HLX: variants seen among roughly 807,000 people sequenced by gnomAD.
The protein encoded by HLX is H2.0-like homeobox protein.
A neutral mutation model predicts 27.7 loss-of-function variants in HLX; 6 were observed. The ratio of observed to expected loss-of-function variants is 0.22; its 90% CI spans 0.12 to 0.43. HLX has a LOEUF of 0.43. HLX is among the 20% of genes least tolerant of loss of function. The pLI is 1.00. For missense variants in HLX, 666 were observed against 655.2 expected (o/e 1.02, Z -0.18); for synonymous variants, 328 against 293.8 (o/e 1.12, Z -1.19).
chr1:220,882,560 A>C, intron 3 of HLX: 12 of 580,514 alleles, frequency 2.1e-5, no homozygotes, highest in Non-Finnish European at 2.5e-5. Context: ...AGAAGAGCTC[A>C]TCCCCAAGAT....
In HLX at chr1:220,884,298, G is replaced by A. The variant is rs1360175487; in HGVS notation, c.1061G>A (p.Gly354Glu). Residue 354 changes from glycine (G) to glutamate (E), a missense_variant, in exon 4 of 4, where the codon GGA (glycine) becomes GAA (glutamate). Coordinates refer to ENST00000366903, the MANE Select transcript of HLX (RefSeq NM_021958.4). This position sits in a 1 kb window ranked among gnomAD's most constrained non-coding sequence, Gnocchi z 4.9. ...DKEAGEKPSG[G>E]APAADGEQDE... Reference sequence around the variant, plus strand: ...GAGGCTGGCGAGAAGCCATCAGGTGGAGCCCCGGCTGCGGATGGCGAGCAG... The same window carrying A: ...GAGGCTGGCGAGAAGCCATCAGGTGAAGCCCCGGCTGCGGATGGCGAGCAG... The A allele has an allele frequency of 1.2e-6, 2 of 1,613,776 alleles. No homozygotes were observed. Among genetic ancestry groups the A allele is most frequent in the Admixed American group, 1.7e-5 (1 of 60,000 alleles).
chr1:220,881,154 G>A, intron 1 of HLX, 40 bp from the exon 2 acceptor site: 1 of 1,564,004 alleles, frequency 6.4e-7, no homozygotes, highest in Non-Finnish European at 8.8e-7. Context: ...GTGTGAGTGT[G>A]CCCGAGATGT....
intron 1 of HLX, chr1:220,880,813 T>G: frequency 2.6e-6 from 1 of 383,908 alleles, no homozygotes; most frequent in Non-Finnish European, 4.7e-6. Flanking sequence ...ACTTATCTGA[T>G]TTCTAGTAAA....
At position 220,884,619 on chromosome 1, in the gene HLX, C is replaced by G. The variant is rs980746405; in HGVS notation, c.1382C>G (p.Ser461Trp). ...AGCAGCCTTGGCGGCGGCGGCGCCT[C>G]GGAGCTTCTCCCTGCAACACAGCCC... ...CASSLGGGGA[S>W]ELLPATQPTA... Residue 461 changes from serine to tryptophan, a missense_variant, in exon 4 of 4, where the codon TCG becomes TGG. Ser to Trp is a radical substitution (Grantham distance 177, BLOSUM62 -3). Transcript: ENST00000366903. The surrounding 1 kb of genome is among the most constrained non-coding windows in gnomAD (Gnocchi z 4.9). 3 of 1,608,914 alleles carry G rather than the reference C, an allele frequency of 1.9e-6. No individual in the cohort carries two copies. The highest frequency in any genetic ancestry group is 2.2e-5 in the East Asian group (1 of 44,746).
At chr1:220,880,650 C>A (rs544831248) in intron 1 of HLX, 2 of 615,166 alleles carry the variant, frequency 3.3e-6, no homozygotes, top group East Asian at 2.7e-5. Flanking sequence ...AAAAATGACT[C>A]CAGGGATTCT....
Position 220,884,855 on chromosome 1 carries a change from C to G in HLX, c.*151C>G, listed in dbSNP as rs1674536559. 7.9e-7 allele frequency: 1 copy of G among 1,270,978 alleles called. No individual in the cohort carries two copies. Among genetic ancestry groups the G allele is most frequent in the African/African-American group, 1.5e-5 (1 of 66,904 alleles). The allele number at this position is 1,270,978 out of a possible 1,614,324, so 78.7% of individuals were successfully genotyped here. A position where few individuals can be genotyped will look rare whatever the true frequency, so the allele number is the denominator to read the frequency against. On this transcript the variant is annotated 3_prime_UTR_variant, in exon 4 of 4. Transcript: ENST00000366903. This position sits in a 1 kb window ranked among gnomAD's most constrained non-coding sequence, Gnocchi z 4.9. ...CATTCACGCTTCGCCCCACGCTGCT[C>G]CGACTGGCTGCAGCGGACACTGCCC...
At chr1:220,882,909 C>A in intron 3 of HLX, 1 of 153,028 alleles carries the variant, frequency 6.5e-6, no homozygotes, top group Non-Finnish European at 1.5e-5. Context: ...GGCTTAGGCT[C>A]TGAAGAAAAT....
Position 220,879,972 on chromosome 1 carries a change from G to A in HLX, c.115G>A (p.Val39Ile). The A allele has an allele frequency of 1.9e-6, 3 of 1,598,596 alleles. No individual in the cohort carries two copies. Among genetic ancestry groups the A allele is most frequent in the Admixed American group, 1.7e-5 (1 of 59,826 alleles). Residue 39 changes from valine (V) to isoleucine (I), a missense_variant, in exon 1 of 4, where the codon GTC becomes ATC. Transcript: ENST00000366903. The stretch of plus-strand genomic sequence containing the variant: ...CTCCTTCCCCTTGGACCCCGCCGCC[G>A]TCAAAAAGCCCTCCTTCTGCATCGC... ...GCSFPLDPAA[V>I]KKPSFCIADI...
In HLX at chr1:220,879,900, A is replaced by G. The variant is rs773259608; in HGVS notation, c.43A>G (p.Ser15Gly). 6.3e-7 allele frequency: 1 copy of G among 1,593,922 alleles called. No homozygotes were observed. Among genetic ancestry groups the G allele is most frequent in the South Asian group, 1.1e-5 (1 of 89,694 alleles). The change falls in exon 1 of 4, where the codon AGC becomes GGC. Residue 15 changes from serine (S) to glycine (G), a missense_variant. Physicochemically the swap from Ser to Gly is moderately conservative, Grantham distance 56. Coordinates refer to ENST00000366903, the MANE Select transcript of HLX (RefSeq NM_021958.4). ...GGCTCCCTTCTACGCCTCCAACTTC[A>G]GCCTCTGGTCGGCCGCTTACTGCTC... ...GLAPFYASNF[S>G]LWSAAYCSSA...
intron 3 of HLX, chr1:220,882,733 T>C (rs766631464): frequency 4.2e-5 from 8 of 190,982 alleles, no homozygotes; most frequent in Non-Finnish European, 8.9e-5. Flanking sequence ...GGCAAGAGAT[T>C]GTTGTTGGGT....
chr1:220,881,106 C>G (rs1227735358), intron 1 of HLX, 88 bp from the exon 2 acceptor site: 2 of 1,203,060 alleles, frequency 1.7e-6, no homozygotes, highest in Non-Finnish European at 2.4e-6. Context: ...AAAAGTGAAT[C>G]CAGGGCAAGG....
chr1:220,880,471 G>T, intron 1 of HLX, 22 bp downstream of exon 1: 1 of 1,612,768 alleles, frequency 6.2e-7, no homozygotes, highest in African/African-American at 1.3e-5. Flanking sequence ...GCGGGAGGCT[G>T]CAGGCCTCTG....
In HLX at chr1:220,884,587, T is replaced by C. The variant is rs1263117948; in HGVS notation, c.1350T>C (p.Gly450=). The C allele has an allele frequency of 1.9e-6, 3 of 1,607,724 alleles. No individual in the cohort carries two copies. The highest frequency in any genetic ancestry group is 1.3e-5 in the African/African-American group (1 of 74,912). ...SSLSSSSTSA[G]CASSLGGGGA... ...TTAGTAGCAGCAGCACCAGTGCGGG[T>C]TGCGCCAGCAGCCTTGGCGGCGGCG... Residue 450 remains glycine (G), a synonymous_variant, in exon 4 of 4, where the codon GGT becomes GGC. Transcript: ENST00000366903. This position sits in a 1 kb window ranked among gnomAD's most constrained non-coding sequence, Gnocchi z 4.9.
chr1:220,881,933 C>T (rs1208512059), intron 2 of HLX: 2 of 615,128 alleles, frequency 3.3e-6, no homozygotes, highest in South Asian at 3.3e-5. Context: ...AAGGACAAGC[C>T]GCCAGGCTTC....
chr1:220,883,941 C>A (rs1166254840), intron 3 of HLX: 2 of 556,654 alleles, frequency 3.6e-6, no homozygotes, highest in South Asian at 2.2e-5. Flanking sequence ...TCATTTTAGT[C>A]CTGGGGCCTG....
rs901900814 is a variant in HLX, at chr1:220,879,753, G to T, written c.-105G>T. 7 of 1,441,458 alleles carry T rather than the reference G, an allele frequency of 4.9e-6. No homozygotes were observed. The highest frequency in any genetic ancestry group is 6.3e-6 in the Non-Finnish European group (7 of 1,104,244). The allele number at this position is 1,441,458 out of a possible 1,614,324, so 89.3% of individuals were successfully genotyped here. A position where few individuals can be genotyped will look rare whatever the true frequency, so the allele number is the denominator to read the frequency against. ...GCGGGCGGAGAAGCGAAAGCGGATCGTCCTCGGCTGCCGCCGCCTTCTCCG... is the reference window on the plus strand; with the variant it reads ...GCGGGCGGAGAAGCGAAAGCGGATCTTCCTCGGCTGCCGCCGCCTTCTCCG... On this transcript the variant is annotated 5_prime_UTR_variant, in exon 1 of 4. Transcript: ENST00000366903.
rs1417188355 is a variant in HLX at position 220,884,457 on chromosome 1, T to G, written c.1220T>G (p.Ile407Ser). The G allele has an allele frequency of 6.2e-7, 1 of 1,614,122 alleles. No individual in the cohort carries two copies. The highest frequency in any genetic ancestry group is 1.1e-5 in the South Asian group (1 of 91,078). ...CGTTCTCTGCACCAAACAACAGTTATTAAGGCCCCGGTCACTGGCGCCCTC... is the reference window on the plus strand; with the variant it reads ...CGTTCTCTGCACCAAACAACAGTTAGTAAGGCCCCGGTCACTGGCGCCCTC... ...SERSLHQTTVIKAPVTGALIT... is the reference protein window; with the variant it reads ...SERSLHQTTVSKAPVTGALIT... Residue 407 changes from isoleucine to serine, a missense_variant, in exon 4 of 4, where the codon ATT becomes AGT. Ile to Ser is a moderately radical substitution (Grantham distance 142). Transcript: ENST00000366903. This position sits in a 1 kb window ranked among gnomAD's most constrained non-coding sequence, Gnocchi z 4.9.
intron 3 of HLX, chr1:220,882,585 A>G (rs183279450): frequency 7.6e-5 from 42 of 551,076 alleles, no homozygotes; most frequent in African/African-American, 7.5e-4. Flanking sequence ...GTCAACAAGC[A>G]CTGCATGTTT....
At chr1:220,883,930 G>A in intron 3 of HLX, 1 of 537,578 alleles carries the variant, frequency 1.9e-6, no homozygotes, top group East Asian at 3.1e-5. Context: ...AGTCACTCAG[G>A]TCATTTTAGT....
Sources: gnomAD v4.1 joint callset for allele counts on GRCh38, gnomAD v4.1.1 for gene constraint, Gnocchi (gnomAD v3.1) non-coding constraint, MANE v1.5 for transcripts, NCBI Gene and HGNC (gene_info 2026-07-23, HGNC 2026-07-21) for gene names.